Variants in PTPRD observed in about 807,000 individuals in gnomAD.
PTPRD encodes the protein receptor-type tyrosine-protein phosphatase delta.
PTPRD carries 34 observed loss-of-function variants against 214.5 expected under a neutral mutation model. The ratio of observed to expected loss-of-function variants is 0.16; its 90% CI spans 0.12 to 0.21. PTPRD has a LOEUF of 0.21. Among genes scored for constraint, PTPRD ranks in the 10% least tolerant of loss-of-function variants. The pLI is 1.00. For synonymous variants in PTPRD, 1,128 were observed against 845.7 expected, an observed-to-expected ratio of 1.33 and a Z score of -5.79; for missense variants, 2,545 against 2,398.7, an observed-to-expected ratio of 1.06 and a Z score of -1.27.
chr9:8,600,066 C>G (rs192938967), intron 14 of PTPRD, among the ~76,000 whole-genome samples: 225 of 152,296 alleles, frequency 1.5e-3, no homozygotes, highest in Non-Finnish European at 2.7e-3. Context: ...CTGGCTGCAG[C>G]CTGGTAGTGT....
intron 6 of PTPRD, among the ~76,000 whole-genome samples, chr9:9,752,152 C>T (rs746396074): frequency 1.6e-4 from 24 of 151,956 alleles, no homozygotes; most frequent in Non-Finnish European, 2.8e-4. Context: ...TGGTTTGGCA[C>T]GAGAGGAGGT....
At chr9:9,266,338 T>C (rs1422702134) in intron 9 of PTPRD, among the ~76,000 whole-genome samples, 1 of 151,168 alleles carries the variant, frequency 6.6e-6, no homozygotes, top group African/African-American at 2.4e-5. Context: ...TTTTGAGCAA[T>C]AAATAGATCA....
At position 8,340,301 on chromosome 9, in the gene PTPRD, G is replaced by C. The variant is rs148055998; in HGVS notation, c.5253+42C>G. ...AACAAAGTCTTCATTTCTCCACAGA[G>C]TAAATGTCTTATGAGGAGACACACA... is the stretch of plus-strand genomic sequence containing the variant. On this transcript the variant is annotated intron_variant, in intron 42 of 45. Transcript: ENST00000381196. 2.6e-3 allele frequency: 3,978 copies of C among 1,540,910 alleles called. 81 individuals carry two copies. In the African/African-American group the frequency reaches 0.047, roughly 18 times the overall value.
chr9:10,180,661 T>C (rs1043123817), intron 3 of PTPRD, among the ~76,000 whole-genome samples: 2 of 136,028 alleles, frequency 1.5e-5, no homozygotes, highest in Admixed American at 7.2e-5. Flanking sequence ...TACTTAAAAA[T>C]ACTAAAAAAA....
Position 8,521,287 on chromosome 9 carries a change from G to T in PTPRD, c.951C>A (p.Ile317=). 6.2e-7 allele frequency: 1 copy of T among 1,612,752 alleles called. No individual in the cohort carries two copies. The highest frequency in any genetic ancestry group is 8.5e-7 in the Non-Finnish European group (1 of 1,179,200). ...ATCCATTGAGCATACCTTTGACAGT[G>T]ATCTGTGCTATTGCTTCAATGACAC... The part of the protein sequence containing the change: ...TLGVIEAIAQ[I]TVKALPKPPG... Residue 317 remains isoleucine (I), a synonymous_variant, in exon 20 of 46, where the codon ATC becomes ATA. Coordinates refer to ENST00000381196, the MANE Select transcript of PTPRD (RefSeq NM_002839.4).
chr9:9,413,834 C>T (rs10816126), intron 8 of PTPRD, among the ~76,000 whole-genome samples: 10,743 of 152,226 alleles, frequency 0.071, 540 homozygotes, highest in Non-Finnish European at 0.11. Context: ...TGCCACATGA[C>T]AGTCACTTAA....
At chr9:10,152,347 T>C (rs937476860) in intron 3 of PTPRD, among the ~76,000 whole-genome samples, 3 of 152,208 alleles carry the variant, frequency 2.0e-5, no homozygotes, top group Non-Finnish European at 4.4e-5. Flanking sequence ...AATATTTTGC[T>C]CATTTTTAGT....
intron 10 of PTPRD, among the ~76,000 whole-genome samples, chr9:9,054,804 G>A (rs944993881): frequency 6.6e-6 from 1 of 152,142 alleles, no homozygotes; most frequent in Non-Finnish European, 1.5e-5. Context: ...CAGTCCTGTA[G>A]GTCAAGTAGG....
chr9:9,107,142 TA>T (rs2154446246), intron 10 of PTPRD, among the ~76,000 whole-genome samples: 2 of 152,262 alleles, frequency 1.3e-5, no homozygotes, highest in South Asian at 4.1e-4. Context: ...GTAATGGAAG[TA>T]TTGTAGGAAT....
At chr9:10,228,991 G>C (rs1330491032) in intron 3 of PTPRD, among the ~76,000 whole-genome samples, 3 of 151,800 alleles carry the variant, frequency 2.0e-5, no homozygotes, top group Non-Finnish European at 4.4e-5. Context: ...CATTTCAGAA[G>C]CACTAAGATC....
chr9:10,539,270 T>C (rs1566819434), intron 2 of PTPRD, among the ~76,000 whole-genome samples: 1 of 152,162 alleles, frequency 6.6e-6, no homozygotes, highest in Non-Finnish European at 1.5e-5. Context: ...CTGCAACCAC[T>C]GTCTTTCAGG....
chr9:9,030,031 GAT>G (rs2099599546), intron 10 of PTPRD, among the ~76,000 whole-genome samples: 1 of 151,900 alleles, frequency 6.6e-6, no homozygotes, highest in Admixed American at 6.6e-5. Flanking sequence ...GATCTACAAA[GAT>G]AAATTGATCA....
At chr9:9,913,446 G>C (rs553854813) in intron 5 of PTPRD, among the ~76,000 whole-genome samples, 9 of 152,256 alleles carry the variant, frequency 5.9e-5, no homozygotes, top group African/African-American at 1.9e-4. Flanking sequence ...GCTGACTACA[G>C]ATGCCTAGCA....
intron 11 of PTPRD, among the ~76,000 whole-genome samples, chr9:8,989,050 C>T (rs2099356257): frequency 1.3e-5 from 2 of 152,092 alleles, no homozygotes; most frequent in South Asian, 4.2e-4. Context: ...GAGTCACACT[C>T]AGGATTTCAA....
chr9:10,305,647 T>G (rs2096038356), intron 3 of PTPRD, among the ~76,000 whole-genome samples: 1 of 152,128 alleles, frequency 6.6e-6, no homozygotes, highest in African/African-American at 2.4e-5. Flanking sequence ...AAGACATTTA[T>G]GCAGCCAACA....
chr9:9,527,210 C>T (rs1032822846), intron 8 of PTPRD, among the ~76,000 whole-genome samples: 1 of 152,150 alleles, frequency 6.6e-6, no homozygotes, highest in Non-Finnish European at 1.5e-5. Flanking sequence ...GTTTTCTAAT[C>T]TTAAATCAAT....
In PTPRD at chr9:10,227,824, A is replaced by G. The variant is rs961955376; in HGVS notation, c.-545+113139T>C. Among the ~76,000 whole-genome samples, 21 of 152,048 alleles carry G rather than the reference A, an allele frequency of 1.4e-4. 2 individuals are homozygous for G. Among genetic ancestry groups the G allele is most frequent in the Admixed American group, 1.2e-3 (19 of 15,222 alleles). On this transcript the variant is annotated intron_variant, in intron 3 of 45. Transcript: ENST00000381196. ...AGAGAGTGAATGAGAGAATGGGCCTATGTTTTCTACCTGAGGCCAGAGTTA... is the reference window on the plus strand; with the variant it reads ...AGAGAGTGAATGAGAGAATGGGCCTGTGTTTTCTACCTGAGGCCAGAGTTA...
intron 3 of PTPRD, among the ~76,000 whole-genome samples, chr9:10,072,755 G>C (rs984882003): frequency 6.6e-6 from 1 of 152,086 alleles, no homozygotes; most frequent in Non-Finnish European, 1.5e-5. Flanking sequence ...ACAGAGCACT[G>C]ATTGGTGCAC....
intron 11 of PTPRD, among the ~76,000 whole-genome samples, chr9:8,748,198 G>A (rs996291026): frequency 3.3e-5 from 5 of 152,162 alleles, no homozygotes; most frequent in Admixed American, 1.3e-4. Context: ...AGCGGGGACT[G>A]AGAGACAGGA....
Sources: allele counts gnomAD v4.1 joint callset (sites outside exome capture counted in the v4.1 genomes callset), GRCh38; gene constraint gnomAD v4.1.1; transcripts MANE v1.5; gene names NCBI Gene and HGNC (gene_info 2026-07-23, HGNC 2026-07-21).